The following ARL17B variants were observed in gnomAD, a reference collection of about 807,000 sequenced individuals.
ARL17B encodes the protein ARF like GTPase 17B, also known as ADP-ribosylation factor-like protein 17.
downstream of ARL17B, chr17:46,334,759 C>A (rs1438431095): frequency 9.3e-6 from 1 of 107,734 alleles, no homozygotes; most frequent in African/African-American, 3.4e-5. Context: ...TAAGTGCCAG[C>A]TGCATGCAAG....
At chr17:46,278,499 G>A (rs1216073678) in intron 4 of ARL17B, among the ~76,000 whole-genome samples, 2 of 151,776 alleles carry the variant, frequency 1.3e-5, no homozygotes, top group Non-Finnish European at 1.5e-5. Context: ...CCACCTCCTG[G>A]GTTCAAGCGA....
intron 3 of ARL17B, among the ~76,000 whole-genome samples, chr17:46,344,369 C>T (rs1308217269): frequency 6.6e-6 from 1 of 150,582 alleles, no homozygotes; most frequent in Admixed American, 6.6e-5. Context: ...GCTCAACTGC[C>T]CCGTGTGGCT....
chr17:46,352,247 AAAT>A (rs1157501473), intron 3 of ARL17B, among the ~76,000 whole-genome samples: 1 of 105,588 alleles, frequency 9.5e-6, no homozygotes, highest in African/African-American at 3.8e-5. Context: ...AAAAATAAAT[AAAT>A]AAGTAAATAA....
In ARL17B at chr17:46,292,946, T is replaced by G. The variant is rs76420695; in HGVS notation, c.*21+6580A>C. Reference sequence around the variant, plus strand: ...CCTATATAGGTATACCATTTTTATCTTTTTTTTTTTTTTTTTTTTTTTTTT... The same window carrying G: ...CCTATATAGGTATACCATTTTTATCGTTTTTTTTTTTTTTTTTTTTTTTTT... On this transcript the variant is annotated intron_variant, in intron 4 of 4. Coordinates refer to the ARL17B transcript ENST00000570618. 12 of 4,092 alleles carry G rather than the reference T, an allele frequency of 2.9e-3. 3 individuals are homozygous for G. In the Admixed American group the frequency reaches 0.045, roughly 15 times the overall value. The allele number at this position is 4,092 out of a possible 1,614,324, so 0.3% of individuals were successfully genotyped here.
intron 4 of ARL17B, among the ~76,000 whole-genome samples, chr17:46,292,335 GAAAA>G (rs1177574208): frequency 1.7e-5 from 1 of 58,536 alleles, no homozygotes; most frequent in African/African-American, 4.2e-5. Flanking sequence ...CTCTCTCGAG[GAAAA>G]AAAAAAAAAA....
In ARL17B at chr17:46,340,686, G is replaced by A. The variant is rs2052495842; in HGVS notation, c.260-912C>T. Among the ~76,000 whole-genome samples, 12 of 76,184 alleles carry A rather than the reference G, an allele frequency of 1.6e-4. 1 individual carries two copies. The South Asian group carries it at 6.1e-3, about 39-fold the overall frequency. 50.0% of individuals were successfully genotyped at this position (76,184 alleles called of 152,430 possible). ...GCCTCCCGAATAGCTGGGATTACAGGCACCCACCACCATGCCCGGCCAATT... is the reference window on the plus strand; with the variant it reads ...GCCTCCCGAATAGCTGGGATTACAGACACCCACCACCATGCCCGGCCAATT... On this transcript the variant is annotated intron_variant, in intron 3 of 3. Coordinates refer to ENST00000450673, the MANE Select transcript of ARL17B (RefSeq NM_001039083.5).
intron 4 of ARL17B, among the ~76,000 whole-genome samples, chr17:46,286,304 T>C (rs1242514129): frequency 1.3e-5 from 2 of 152,252 alleles, no homozygotes; most frequent in African/African-American, 2.4e-5. Context: ...ACACTGTAAT[T>C]TTGGAGAACC....
In ARL17B at chr17:46,306,055, C is replaced by T. The variant is rs1263673228; in HGVS notation, c.260-6390G>A. Among the ~76,000 whole-genome samples the T allele has an allele frequency of 8.6e-5, 7 of 81,472 alleles. 1 individual carries two copies. The highest frequency in any genetic ancestry group is 2.2e-4 in the African/African-American group (7 of 31,906). The allele number at this position is 81,472 out of a possible 152,430, so 53.4% of individuals were successfully genotyped here. A position where few individuals can be genotyped will look rare whatever the true frequency, so the allele number is the denominator to read the frequency against. On this transcript the variant is annotated intron_variant, in intron 3 of 4. Coordinates refer to the ARL17B transcript ENST00000434041. ...TCACTGTTTTGTATCTAATGCACCACGTGTGCAGTGTTAAAGTATAAATCA... is the reference window on the plus strand; with the variant it reads ...TCACTGTTTTGTATCTAATGCACCATGTGTGCAGTGTTAAAGTATAAATCA...
At chr17:46,330,975 C>A, downstream of ARL17B, 2 of 724,844 alleles carry the variant, frequency 2.8e-6, 1 homozygote, top group Non-Finnish European at 4.1e-6. Context: ...GCCGTCTACA[C>A]CAAGCCTTCG....
chr17:46,275,558 G>A (rs1297998338), intron 4 of ARL17B: 11 of 507,072 alleles, frequency 2.2e-5, no homozygotes, highest in Admixed American at 5.9e-5. Context: ...AGAAAAGAAC[G>A]ATTAAGAAAT....
chr17:46,343,439 G>C (rs1274240453), intron 3 of ARL17B, among the ~76,000 whole-genome samples: 1 of 152,186 alleles, frequency 6.6e-6, no homozygotes, highest in Non-Finnish European at 1.5e-5. Context: ...TTAAAAATGA[G>C]GCAGACTGGG....
intron 4 of ARL17B, among the ~76,000 whole-genome samples, chr17:46,279,957 G>C (rs2049714818): frequency 6.6e-6 from 1 of 152,202 alleles, no homozygotes; most frequent in Non-Finnish European, 1.5e-5. Context: ...CCTCTGGGGA[G>C]TGCTCCATTC....
chr17:46,334,891 TAAC>T (rs1168748850), downstream of ARL17B: 1 of 131,264 alleles, frequency 7.6e-6, no homozygotes, highest in Non-Finnish European at 1.7e-5. Flanking sequence ...AAGTACAATA[TAAC>T]AACTGTCAAC....
At chr17:46,277,381 C>A (rs1260297626) in intron 4 of ARL17B, among the ~76,000 whole-genome samples, 1 of 152,194 alleles carries the variant, frequency 6.6e-6, no homozygotes, top group Non-Finnish European at 1.5e-5. Context: ...GCTCTGCCAG[C>A]AAGTTGGCAG....
At chr17:46,286,133 G>C (rs1422346753) in intron 4 of ARL17B, among the ~76,000 whole-genome samples, 1 of 152,252 alleles carries the variant, frequency 6.6e-6, no homozygotes, top group African/African-American at 2.4e-5. Flanking sequence ...AAACAGATGG[G>C]ATGATGTTAC....
At chr17:46,278,697 T>G (rs1287653403) in intron 4 of ARL17B, among the ~76,000 whole-genome samples, 2 of 152,230 alleles carry the variant, frequency 1.3e-5, no homozygotes, top group Admixed American at 6.5e-5. Context: ...CCACCGCACC[T>G]GGCTGAGTCC....
intron 3 of ARL17B, among the ~76,000 whole-genome samples, chr17:46,350,847 C>CA (rs2052718197): frequency 8.4e-5 from 3 of 35,730 alleles, no homozygotes; most frequent in African/African-American, 8.5e-5. Context: ...GACCCTGTCT[C>CA]CAAAAAAAAA....
chr17:46,279,840 T>C (rs953125845), intron 4 of ARL17B, among the ~76,000 whole-genome samples: 4 of 152,226 alleles, frequency 2.6e-5, no homozygotes, highest in African/African-American at 7.2e-5. Flanking sequence ...GCGTTTCTAA[T>C]TGCCTTTCAT....
chr17:46,321,562 A>AT (rs1423407532), intron 3 of ARL17B, among the ~76,000 whole-genome samples: 13 of 28,508 alleles, frequency 4.6e-4, no homozygotes, highest in Admixed American at 1.0e-3. Flanking sequence ...AATTGGTCCT[A>AT]TTTTTTTTTA....
Sources: gnomAD v4.1 joint callset for allele counts (sites outside exome capture counted in the v4.1 genomes callset) on GRCh38, gnomAD v4.1.1 for gene constraint, MANE v1.5 for transcripts, NCBI Gene and HGNC (gene_info 2026-07-23, HGNC 2026-07-21) for gene names.